GNAI3: variants seen among roughly 807,000 people sequenced by gnomAD.
The protein encoded by GNAI3 is G protein subunit alpha i3.
GNAI3 carries 12 observed loss-of-function variants against 41.8 expected under a neutral mutation model. That is an observed-to-expected ratio of 0.29 (90% confidence interval 0.18 to 0.47). The LOEUF (loss-of-function observed/expected upper bound fraction) is 0.47. GNAI3 is among the 20% of genes least tolerant of loss of function. The pLI, the probability that GNAI3 is intolerant of heterozygous loss-of-function variation, is 1.00. For missense variants in GNAI3, 360 were observed against 429.6 expected (o/e 0.84, Z 1.43); for synonymous variants, 132 against 146.5 (o/e 0.90, Z 0.71).
At chr1:109,580,481 G>A (rs1648864899) in intron 4 of GNAI3, among the ~76,000 whole-genome samples, 3 of 152,160 alleles carry the variant, frequency 2.0e-5, no homozygotes. Flanking sequence ...AAATGATATA[G>A]TCAGGCTGTG....
intron 1 of GNAI3, among the ~76,000 whole-genome samples, chr1:109,562,140 T>C (rs1648327364): frequency 6.6e-6 from 1 of 152,184 alleles, no homozygotes; most frequent in Non-Finnish European, 1.5e-5. Context: ...ACAAGATATG[T>C]ATGCACACGT....
rs1040988978 is a variant in GNAI3 at position 109,598,894 on chromosome 1, G to A, written c.*6572G>A. ...TCCTTCTGGAATCTGTGCTCTGGGG[G>A]CTGTGCCGGGTAGAGAGGGCAGTGG... On this transcript the variant is annotated 3_prime_UTR_variant, in exon 9 of 9. Transcript: ENST00000369851. 4 of 534,650 alleles carry A rather than the reference G, an allele frequency of 7.5e-6. No homozygotes were observed. Among genetic ancestry groups the A allele is most frequent in the Admixed American group, 1.9e-5 (1 of 51,586 alleles). 33.1% of individuals were successfully genotyped at this position (534,650 alleles called of 1,614,324 possible).
chr1:109,588,536 G>A (rs993445372), intron 7 of GNAI3, among the ~76,000 whole-genome samples: 2 of 152,150 alleles, frequency 1.3e-5, no homozygotes, highest in Non-Finnish European at 2.9e-5. Context: ...GAAACTTATA[G>A]ATCAGAATCA....
At chr1:109,573,145 A>G (rs1317845499) in intron 1 of GNAI3, among the ~76,000 whole-genome samples, 1 of 152,148 alleles carries the variant, frequency 6.6e-6, no homozygotes, top group African/African-American at 2.4e-5. Flanking sequence ...TGGATTTGTC[A>G]AGGAGGTCAG....
chr1:109,567,400 G>A (rs1461477703), intron 1 of GNAI3, among the ~76,000 whole-genome samples: 1 of 152,200 alleles, frequency 6.6e-6, no homozygotes, highest in Non-Finnish European at 1.5e-5. Flanking sequence ...CTGTGAGGAA[G>A]GTTCAAGGAA....
intron 3 of GNAI3, among the ~76,000 whole-genome samples, chr1:109,577,288 T>G (rs1373154621): frequency 6.0e-5 from 9 of 150,868 alleles, no homozygotes; most frequent in Non-Finnish European, 1.3e-4. Context: ...GTTTTTTTTT[T>G]TTTTTTGAGA....
chr1:109,548,922 C>T lies in GNAI3; in HGVS notation c.118+84C>T, dbSNP rs930196318. ...CCTGAACGGGGTCTGGTCGGGCCGA[C>T]GGAAAGGACCCTAAAGGGATCTGGA... On this transcript the variant is annotated intron_variant, in intron 1 of 8. Transcript: ENST00000369851. 1.6e-5 allele frequency: 13 copies of T among 802,024 alleles called. No homozygotes were observed. The African/African-American group carries it at 2.3e-4, about 14-fold the overall frequency. 49.7% of individuals were successfully genotyped at this position (802,024 alleles called of 1,614,324 possible). A position where few individuals can be genotyped will look rare whatever the true frequency, so the allele number is the denominator to read the frequency against.
intron 1 of GNAI3, among the ~76,000 whole-genome samples, chr1:109,570,936 G>A (rs1648581144): frequency 6.6e-6 from 1 of 152,168 alleles, no homozygotes; most frequent in South Asian, 2.1e-4. Context: ...AACTATTTAG[G>A]AAGCTTTTGC....
chr1:109,577,751 T>C (rs1310431166), intron 3 of GNAI3, among the ~76,000 whole-genome samples: 1 of 152,186 alleles, frequency 6.6e-6, no homozygotes, highest in East Asian at 1.9e-4. Context: ...GACCCAGAGT[T>C]TGGCAAAAAT....
rs1294177805 is a variant in GNAI3, at chr1:109,586,886, AG to A, written c.874+8del. On this transcript the variant is annotated splice_donor_5th_base_variant and intron_variant, in intron 7 of 8. Transcript: ENST00000369851. The stretch of plus-strand genomic sequence containing the variant: ...ATCTGTTATCCAGAATACACAGGTA[AG>A]GGGTTATGAAAGATTTTATTGGAGG... 8 of 1,588,252 alleles carry A rather than the reference AG, an allele frequency of 5.0e-6. No homozygotes were observed. The highest frequency in any genetic ancestry group is 6.0e-6 in the Non-Finnish European group (7 of 1,158,464).
chr1:109,590,423 T>G (rs1316189967), intron 7 of GNAI3, among the ~76,000 whole-genome samples: 1 of 152,228 alleles, frequency 6.6e-6, no homozygotes, highest in Non-Finnish European at 1.5e-5. Context: ...TTGCCAGGTA[T>G]TATTATCTGT....
intron 1 of GNAI3, among the ~76,000 whole-genome samples, chr1:109,556,758 A>G (rs1298534253): frequency 6.6e-6 from 1 of 152,100 alleles, no homozygotes; most frequent in East Asian, 1.9e-4. Context: ...ATCTCTTACA[A>G]CCAGTCAGTT....
intron 1 of GNAI3, among the ~76,000 whole-genome samples, chr1:109,556,867 A>T (rs1244262838): frequency 6.6e-6 from 1 of 152,190 alleles, no homozygotes; most frequent in Non-Finnish European, 1.5e-5. Flanking sequence ...CTGACCTAGG[A>T]TTTTAATATT....
intron 1 of GNAI3, among the ~76,000 whole-genome samples, chr1:109,566,100 A>T (rs1648445912): frequency 6.6e-6 from 1 of 152,208 alleles, no homozygotes; most frequent in Non-Finnish European, 1.5e-5. Flanking sequence ...TCTTGAACTG[A>T]TGGTCAAAGG....
At chr1:109,551,268 T>C (rs915364061) in intron 1 of GNAI3, among the ~76,000 whole-genome samples, 2 of 152,256 alleles carry the variant, frequency 1.3e-5, no homozygotes, top group African/African-American at 4.8e-5. Flanking sequence ...TTGAGCCATA[T>C]CATAACACAC....
chr1:109,576,596 GCAA>G (rs1234759210), intron 3 of GNAI3, among the ~76,000 whole-genome samples: 1 of 151,652 alleles, frequency 6.6e-6, no homozygotes, highest in Non-Finnish European at 1.5e-5. Context: ...TTGGCTCACC[GCAA>G]CCTCTGCCTC....
chr1:109,548,739 G>T lies in GNAI3; in HGVS notation c.19G>T (p.Ala7Ser). ...CGCCGCCATGGGCTGCACGTTGAGC[G>T]CCGAAGACAAGGCGGCAGTGGAGCG... is the stretch of plus-strand genomic sequence containing the variant. MGCTLS[A>S]EDKAAVERSK... The change falls in exon 1 of 9, where the codon GCC (alanine) becomes TCC (serine). Residue 7 changes from alanine to serine, a missense_variant. Transcript: ENST00000369851. 2 of 1,613,320 alleles carry T rather than the reference G, an allele frequency of 1.2e-6. No homozygotes were observed. The highest frequency in any genetic ancestry group is 1.7e-6 in the Non-Finnish European group (2 of 1,179,518).
intron 1 of GNAI3, among the ~76,000 whole-genome samples, chr1:109,570,092 T>C (rs1648553298): frequency 6.6e-6 from 1 of 152,202 alleles, no homozygotes; most frequent in Non-Finnish European, 1.5e-5. Context: ...AGTAGAATCA[T>C]TGGATTTTTT....
chr1:109,554,725 T>C (rs1648096874), intron 1 of GNAI3, among the ~76,000 whole-genome samples: 1 of 152,216 alleles, frequency 6.6e-6, no homozygotes, highest in South Asian at 2.1e-4. Context: ...CCCATTTATT[T>C]ATTTTTATTT....
Sources: gnomAD v4.1 joint callset for allele counts (sites outside exome capture counted in the v4.1 genomes callset) on GRCh38, gnomAD v4.1.1 for gene constraint, MANE v1.5 for transcripts, NCBI Gene and HGNC (gene_info 2026-07-23, HGNC 2026-07-21) for gene names.